Variants in MECOM observed in about 807,000 individuals in gnomAD.
The protein encoded by MECOM is MDS1 and EVI1 complex locus.
MECOM carries 13 observed loss-of-function variants against 116.3 expected under a neutral mutation model. That is an observed-to-expected ratio of 0.11 (90% CI 0.07 to 0.18). The LOEUF is 0.18. Among genes scored for constraint, MECOM ranks in the 10% least tolerant of loss-of-function variants. The pLI, the probability that MECOM is intolerant of heterozygous loss-of-function variation, is 1.00. For synonymous variants in MECOM, 528 were observed against 535.2 expected (o/e 0.99, Z 0.19); for missense variants, 1,299 against 1,509.0 (o/e 0.86, Z 2.31).
In MECOM at chr3:169,083,572, T is replaced by A. The variant is rs1716832571; in HGVS notation, c.*1337A>T. ...AGTAATGCACTGAAAGGCATAACAGTTTATATTGTACAAAGCATTTGAAGA... is the reference window on the plus strand; with the variant it reads ...AGTAATGCACTGAAAGGCATAACAGATTATATTGTACAAAGCATTTGAAGA... On this transcript the variant is annotated 3_prime_UTR_variant, in exon 17 of 17. Transcript: ENST00000651503. 1 of 188,498 alleles carries A rather than the reference T, an allele frequency of 5.3e-6. No homozygotes were observed. The highest frequency in any genetic ancestry group is 1.1e-5 in the Non-Finnish European group (1 of 89,246). The allele number at this position is 188,498 out of a possible 1,614,324, so 11.7% of individuals were successfully genotyped here. A position where few individuals can be genotyped will look rare whatever the true frequency, so the allele number is the denominator to read the frequency against.
At chr3:169,345,471 A>T (rs1233427603) in intron 2 of MECOM, among the ~76,000 whole-genome samples, 66 of 152,160 alleles carry the variant, frequency 4.3e-4, no homozygotes, top group Non-Finnish European at 8.8e-5. Flanking sequence ...TATTGCTGCA[A>T]TAGATAAAAC....
rs1250088680 is a variant in MECOM at position 169,469,649 on chromosome 3, G to A, written c.38-88125C>T. 2.0e-5 allele frequency among the ~76,000 whole-genome samples: 3 copies of A among 151,686 alleles called. 1 individual carries two copies. Among genetic ancestry groups the A allele is most frequent in the Non-Finnish European group, 4.4e-5 (3 of 67,952 alleles). ...GTCCTCCTTTCAACTCTCCAGCAACGCCCCCTTGCATTCATAAACTCTGTG... is the reference window on the plus strand; with the variant it reads ...GTCCTCCTTTCAACTCTCCAGCAACACCCCCTTGCATTCATAAACTCTGTG... On this transcript the variant is annotated intron_variant, in intron 1 of 16. Transcript: ENST00000651503.
chr3:169,350,662 T>C (rs773078123), intron 2 of MECOM, among the ~76,000 whole-genome samples: 9 of 151,986 alleles, frequency 5.9e-5, no homozygotes, highest in Non-Finnish European at 1.0e-4. Flanking sequence ...GATCCTCTGG[T>C]TAGATATATT....
intron 2 of MECOM, among the ~76,000 whole-genome samples, chr3:169,342,482 C>G (rs1049036371): frequency 5.9e-5 from 9 of 152,076 alleles, no homozygotes; most frequent in Non-Finnish European, 1.2e-4. Context: ...AGCAATCTAT[C>G]TTTTCATATT....
At position 169,663,509 on chromosome 3, in the gene MECOM, TCTCTCTCTCTCTC is replaced by T. The variant is rs1776607625; in HGVS notation, c.-150_-138del. 1.3e-5 allele frequency: 9 copies of T among 674,888 alleles called. No individual in the cohort carries two copies. The highest frequency in any genetic ancestry group is 2.1e-5 in the Non-Finnish European group (8 of 383,120). The allele number at this position is 674,888 out of a possible 1,614,324, so 41.8% of individuals were successfully genotyped here. The stretch of plus-strand genomic sequence containing the variant: ...CTCTCTCTCTCTCTCTCTCTCTCTC[TCTCTCTCTCTCTC>T]TCTCTCTCCCTCCCTCCTGTTTCTC... On this transcript the variant is annotated 5_prime_UTR_variant, in exon 1 of 17. Coordinates refer to ENST00000651503, the MANE Select transcript of MECOM (RefSeq NM_004991.4).
Position 169,500,158 on chromosome 3 carries a change from T to C in MECOM, c.38-118634A>G, listed in dbSNP as rs538484996. On this transcript the variant is annotated intron_variant, in intron 1 of 16. Transcript: ENST00000651503. ...AAAATATTAGAAAAAGCCTATTTAT[T>C]AGATCATAAAAGTCTATCAATGGAT... 2.0e-4 allele frequency among the ~76,000 whole-genome samples: 30 copies of C among 152,222 alleles called. No homozygotes were observed. In the Middle Eastern group the frequency reaches 0.01, roughly 52 times the overall value.
At chr3:169,165,291 A>G (rs1479220929) in intron 2 of MECOM, among the ~76,000 whole-genome samples, 2 of 152,324 alleles carry the variant, frequency 1.3e-5, no homozygotes, top group South Asian at 2.1e-4. Flanking sequence ...ATGAAAATGC[A>G]CTAAGAAAAT....
At chr3:169,380,760 A>T (rs958350440) in intron 2 of MECOM, among the ~76,000 whole-genome samples, 2 of 152,110 alleles carry the variant, frequency 1.3e-5, no homozygotes, top group Non-Finnish European at 2.9e-5. Flanking sequence ...AACCAAATTA[A>T]CTCATAGTCA....
At chr3:169,573,520 A>G (rs1764159959) in intron 1 of MECOM, among the ~76,000 whole-genome samples, 1 of 152,198 alleles carries the variant, frequency 6.6e-6, no homozygotes, top group African/African-American at 2.4e-5. Flanking sequence ...CTCCTGGACT[A>G]TCTTTGTATA....
intron 1 of MECOM, among the ~76,000 whole-genome samples, chr3:169,544,361 T>G (rs2109252433): frequency 6.6e-6 from 1 of 152,322 alleles, no homozygotes; most frequent in East Asian, 1.9e-4. Context: ...AAAGGCATAC[T>G]TCTTTGGGTA....
At chr3:169,625,706 T>G (rs981384154) in intron 1 of MECOM, among the ~76,000 whole-genome samples, 1 of 152,238 alleles carries the variant, frequency 6.6e-6, no homozygotes, top group Non-Finnish European at 1.5e-5. Flanking sequence ...TCTAAATGTC[T>G]TCTAAATTGA....
At chr3:169,660,337 T>C (rs150888525) in intron 1 of MECOM, among the ~76,000 whole-genome samples, 3 of 152,288 alleles carry the variant, frequency 2.0e-5, no homozygotes, top group African/African-American at 7.2e-5. Flanking sequence ...TTTTTTAACC[T>C]TCCCAAATGA....
At chr3:169,512,232 C>A (rs979497247) in intron 1 of MECOM, among the ~76,000 whole-genome samples, 1 of 152,200 alleles carries the variant, frequency 6.6e-6, no homozygotes, top group African/African-American at 2.4e-5. Context: ...TCCCTCATCC[C>A]CCAACCACCC....
intron 1 of MECOM, among the ~76,000 whole-genome samples, chr3:169,413,224 G>A (rs758483959): frequency 1.3e-5 from 2 of 152,174 alleles, no homozygotes; most frequent in Non-Finnish European, 2.9e-5. Context: ...GCAGGGTGAG[G>A]CATTGCCTCA....
chr3:169,293,285 G>A (rs749321628), intron 2 of MECOM, among the ~76,000 whole-genome samples: 73 of 152,238 alleles, frequency 4.8e-4, no homozygotes, highest in Non-Finnish European at 8.2e-4. Flanking sequence ...CCACACAGCC[G>A]TCAGGGTCTT....
At chr3:169,511,565 C>G (rs1329034837) in intron 1 of MECOM, among the ~76,000 whole-genome samples, 1 of 152,152 alleles carries the variant, frequency 6.6e-6, no homozygotes, top group African/African-American at 2.4e-5. Context: ...AGTTCAAGAC[C>G]AGCCCGGCCA....
rs150847103 is a variant in MECOM at position 169,187,428 on chromosome 3, C to A, written c.376-43596G>T. ...TAAAAATGGAAAAGCCAACACGTTA[C>A]AATTTTTTGCCTTATGTAAGCTAAA... On this transcript the variant is annotated intron_variant, in intron 2 of 16. Coordinates refer to ENST00000651503, the MANE Select transcript of MECOM (RefSeq NM_004991.4). Among the ~76,000 whole-genome samples the A allele has an allele frequency of 1.2e-3, 187 of 152,164 alleles. 3 individuals are homozygous for A. The East Asian group carries it at 0.031, about 25-fold the overall frequency.
At chr3:169,454,826 A>T (rs181955496) in intron 1 of MECOM, among the ~76,000 whole-genome samples, 1 of 152,218 alleles carries the variant, frequency 6.6e-6, no homozygotes, top group African/African-American at 2.4e-5. Context: ...CTCAAATAAT[A>T]ATAAGTCCCA....
chr3:169,088,981 A>G lies in MECOM; in HGVS notation c.3585+19T>C, dbSNP rs1718749267. ...ATGCATAATGTAACCATGATGCTGT[A>G]CTATGGGAAAATCTGTACCTGCGAT... On this transcript the variant is annotated intron_variant, in intron 16 of 16. Transcript: ENST00000651503. The G allele has an allele frequency of 6.4e-7, 1 of 1,555,934 alleles. No individual in the cohort carries two copies. The highest frequency in any genetic ancestry group is 8.7e-7 in the Non-Finnish European group (1 of 1,154,878).
Sources: allele counts gnomAD v4.1 joint callset (sites outside exome capture counted in the v4.1 genomes callset), GRCh38; gene constraint gnomAD v4.1.1; transcripts MANE v1.5; gene names NCBI Gene and HGNC (gene_info 2026-07-23, HGNC 2026-07-21).